MYO1E: variants seen among roughly 807,000 people sequenced by gnomAD.
MYO1E encodes myosin IE.
MYO1E carries 68 observed loss-of-function variants against 151.1 expected under a neutral mutation model. The ratio of observed to expected loss-of-function variants is 0.45; its 90% confidence interval spans 0.37 to 0.55. The LOEUF (loss-of-function observed/expected upper bound fraction) is 0.55, where lower values mean the gene tolerates loss of function less well. MYO1E is among the 20% of genes least tolerant of loss of function. The pLI is 0.00. For synonymous variants in MYO1E, 601 were observed against 501.7 expected, an observed-to-expected ratio of 1.20 and a Z score of -2.64; for missense variants, 1,363 against 1,389.3, an observed-to-expected ratio of 0.98 and a Z score of 0.30.
chr15:59,238,465 T>C (rs922362247), intron 4 of MYO1E, among the ~76,000 whole-genome samples: 16 of 152,238 alleles, frequency 1.1e-4, no homozygotes, highest in Admixed American at 1.0e-3. Flanking sequence ...GTAATGTGAA[T>C]AGAAGATACT....
At position 59,173,756 on chromosome 15, in the gene MYO1E, C is replaced by CT; in HGVS notation, c.2323dup (p.Arg775LysfsTer58). The CT allele has an allele frequency of 6.2e-7, 1 of 1,614,162 alleles. No individual in the cohort carries two copies. The highest frequency in any genetic ancestry group is 8.5e-7 in the Non-Finnish European group (1 of 1,179,996). On this transcript the variant is annotated frameshift_variant, in exon 21 of 28. Transcript: ENST00000288235. LOFTEE classifies it high-confidence loss of function. ...GCAGTTAGCACGTACCTTGAACCTC[C>CT]TGTCATACTTGGTGACTGTGTCTGC...
intron 17 of MYO1E, among the ~76,000 whole-genome samples, chr15:59,194,930 C>T (rs746970699): frequency 6.6e-6 from 1 of 152,234 alleles, no homozygotes; most frequent in Non-Finnish European, 1.5e-5. Context: ...CCTTTGACAT[C>T]TTTCCTCCCA....
At chr15:59,213,126 GAACT>G (rs1429825725) in intron 12 of MYO1E, among the ~76,000 whole-genome samples, 3 of 134,890 alleles carry the variant, frequency 2.2e-5, no homozygotes, top group Non-Finnish European at 4.6e-5. Context: ...AAACTGCACT[GAACT>G]ATTTATTTAT....
At chr15:59,346,920 A>C (rs2080797125) in intron 1 of MYO1E, among the ~76,000 whole-genome samples, 1 of 137,812 alleles carries the variant, frequency 7.3e-6, no homozygotes, top group African/African-American at 3.2e-5. Context: ...TTGTCTCCCA[A>C]AAAGAAAAAA....
At chr15:59,272,500 T>A in intron 1 of MYO1E, 51 bp from the exon 2 acceptor site, 1 of 1,582,248 alleles carries the variant, frequency 6.3e-7, no homozygotes, top group South Asian at 1.1e-5. Context: ...TCCCCTGTAG[T>A]AACAAAGACA....
At chr15:59,214,976 T>C (rs1268790516) in intron 10 of MYO1E, among the ~76,000 whole-genome samples, 1 of 152,308 alleles carries the variant, frequency 6.6e-6, no homozygotes, top group African/African-American at 2.4e-5. Flanking sequence ...TAACCATTAA[T>C]TTCTGTCCAA....
chr15:59,220,805 G>GAC (rs2079949815), intron 9 of MYO1E, among the ~76,000 whole-genome samples: 1 of 150,740 alleles, frequency 6.6e-6, no homozygotes, highest in Admixed American at 6.6e-5. Context: ...CTACAAAAAG[G>GAC]ACAGCCAGGT....
intron 2 of MYO1E, among the ~76,000 whole-genome samples, chr15:59,268,720 A>ATTTTTTTATTTTTTT (rs2080271497): frequency 2.2e-5 from 1 of 44,906 alleles, no homozygotes; most frequent in Non-Finnish European, 4.9e-5. Flanking sequence ...TGACTTTGGT[A>ATTTTTTTATTTTTTT]TTTTTTTTTT....
chr15:59,215,295 C>T (rs2079906404), intron 10 of MYO1E, among the ~76,000 whole-genome samples: 1 of 152,170 alleles, frequency 6.6e-6, no homozygotes, highest in Non-Finnish European at 1.5e-5. Flanking sequence ...CCAGGGTTTG[C>T]TAAGTGCTCT....
chr15:59,211,210 A>G (rs1258084562), intron 12 of MYO1E, among the ~76,000 whole-genome samples: 1 of 152,036 alleles, frequency 6.6e-6, no homozygotes, highest in Non-Finnish European at 1.5e-5. Context: ...AAAAAAAAAA[A>G]AAAAAATTGA....
At chr15:59,158,973 GGCCAGAGGA>G (rs1417831457) in intron 24 of MYO1E, among the ~76,000 whole-genome samples, 5 of 152,198 alleles carry the variant, frequency 3.3e-5, no homozygotes, top group Non-Finnish European at 5.9e-5. Context: ...TGGACAGCAG[GGCCAGAGGA>G]GCCAGAGGAG....
At chr15:59,250,479 C>A (rs1419138046) in intron 4 of MYO1E, among the ~76,000 whole-genome samples, 1 of 152,138 alleles carries the variant, frequency 6.6e-6, no homozygotes, top group Non-Finnish European at 1.5e-5. Flanking sequence ...ACCAGAAACT[C>A]CACCTCGGGA....
At chr15:59,309,265 A>C (rs2080535213) in intron 1 of MYO1E, among the ~76,000 whole-genome samples, 1 of 152,200 alleles carries the variant, frequency 6.6e-6, no homozygotes, top group Non-Finnish European at 1.5e-5. Flanking sequence ...TAATGCTACA[A>C]GAATGGTGTT....
chr15:59,257,478 A>G (rs2080200291), intron 3 of MYO1E, among the ~76,000 whole-genome samples: 1 of 152,172 alleles, frequency 6.6e-6, no homozygotes, highest in Non-Finnish European at 1.5e-5. Flanking sequence ...CGGATGGGAA[A>G]GCAATTTGAA....
intron 1 of MYO1E, among the ~76,000 whole-genome samples, chr15:59,336,376 A>G (rs1005020203): frequency 6.6e-6 from 1 of 152,192 alleles, no homozygotes; most frequent in South Asian, 2.1e-4. Context: ...GTCTCAAAAA[A>G]AAGAAAAGAA....
intron 1 of MYO1E, among the ~76,000 whole-genome samples, chr15:59,287,351 G>A (rs772289910): frequency 6.6e-6 from 1 of 152,148 alleles, no homozygotes; most frequent in Non-Finnish European, 1.5e-5. Context: ...TGTCCTTCCC[G>A]ACAGACTTTC....
intron 1 of MYO1E, among the ~76,000 whole-genome samples, chr15:59,325,138 G>A (rs760259261): frequency 7.2e-5 from 11 of 151,894 alleles, no homozygotes; most frequent in African/African-American, 2.2e-4. Flanking sequence ...GGGTTCAAGC[G>A]ATTCTCCTGC....
intron 26 of MYO1E, among the ~76,000 whole-genome samples, chr15:59,140,566 A>G (rs572932563): frequency 1.4e-4 from 22 of 152,292 alleles, no homozygotes; most frequent in African/African-American, 5.1e-4. Context: ...CATCATTCAC[A>G]CCTACAGGAG....
At chr15:59,359,904 C>T (rs1386759468) in intron 1 of MYO1E, 1 of 152,186 alleles carries the variant, frequency 6.6e-6, no homozygotes, top group Non-Finnish European at 1.5e-5. Context: ...TGCTTTGGTT[C>T]TCTGAGTATA....
Sources: gnomAD v4.1 joint callset for allele counts (sites outside exome capture counted in the v4.1 genomes callset) on GRCh38, gnomAD v4.1.1 for gene constraint, MANE v1.5 for transcripts, NCBI Gene and HGNC (gene_info 2026-07-23, HGNC 2026-07-21) for gene names.